The following RBM19 variants were observed in gnomAD, a reference collection of about 807,000 sequenced individuals.
The protein encoded by RBM19 is RNA binding motif protein 19.
A neutral mutation model predicts 116.8 loss-of-function variants in RBM19; 94 were observed. The ratio of observed to expected loss-of-function variants is 0.80; its 90% CI spans 0.68 to 0.95. RBM19 has a LOEUF of 0.95. Ranked by LOEUF, RBM19 falls within the 40% of genes least tolerant of loss-of-function variation. The pLI, the probability that RBM19 is intolerant of heterozygous loss-of-function variation, is 0.00. For synonymous variants in RBM19, 475 were observed against 494.1 expected (o/e 0.96, Z 0.51); for missense variants, 1,161 against 1,220.7 (o/e 0.95, Z 0.73).
Position 113,959,886 on chromosome 12 carries a change from C to A in RBM19, c.357G>T (p.Lys119Asn), listed in dbSNP as rs762025832. 46 of 1,614,050 alleles carry A rather than the reference C, an allele frequency of 2.8e-5. No individual in the cohort carries two copies. The highest frequency in any genetic ancestry group is 3.6e-5 in the Non-Finnish European group (43 of 1,180,036). The stretch of plus-strand genomic sequence containing the variant: ...TCACCTTCTCCAGTTGACCTGCCAC[C>A]TTTTTCTTCTTCTCATCCTGAAAAC... The part of the protein sequence containing the change: ...PEIKKDEKKK[K>N]VAGQLEKLKE... The change falls in exon 4 of 24, where the codon AAG becomes AAT. Residue 119 changes from lysine to asparagine, a missense_variant. Coordinates refer to ENST00000261741, the MANE Select transcript of RBM19 (RefSeq NM_016196.4).
intron 5 of RBM19, 31 bp downstream of exon 5, chr12:113,959,181 C>A (rs752262257): frequency 2.5e-6 from 4 of 1,587,694 alleles, no homozygotes; most frequent in African/African-American, 2.7e-5. Context: ...CAGGTCCGTG[C>A]GCATGGAGCA....
At chr12:113,861,130 G>T (rs375803554) in intron 21 of RBM19, among the ~76,000 whole-genome samples, 3 of 152,230 alleles carry the variant, frequency 2.0e-5, no homozygotes, top group Non-Finnish European at 2.9e-5. Context: ...CATGTCTGAC[G>T]TTAAGCCCAA....
At chr12:113,823,342 A>G (rs1874585784) in intron 23 of RBM19, 21 bp from the exon 24 acceptor site, 1 of 1,607,650 alleles carries the variant, frequency 6.2e-7, no homozygotes, top group Non-Finnish European at 8.5e-7. Context: ...CCAGATGGCA[A>G]GAGAGGAGAA....
chr12:113,924,817 C>A, intron 17 of RBM19, 60 bp from the exon 18 acceptor site: 3 of 1,395,324 alleles, frequency 2.2e-6, no homozygotes, highest in South Asian at 2.3e-5. Flanking sequence ...GGCAAGGGCA[C>A]CTGTCAAACA....
chr12:113,842,011 G>A (rs1181289035), intron 23 of RBM19, among the ~76,000 whole-genome samples: 1 of 152,208 alleles, frequency 6.6e-6, no homozygotes, highest in East Asian at 1.9e-4. Context: ...GGGGCTAATA[G>A]TGTCCATCTC....
chr12:113,920,102 C>T (rs939694968), intron 19 of RBM19, among the ~76,000 whole-genome samples: 2 of 152,334 alleles, frequency 1.3e-5, no homozygotes, highest in South Asian at 2.1e-4. Flanking sequence ...CTCAGACCCT[C>T]TGCACATGGT....
chr12:113,881,408 T>C (rs1880118324), intron 21 of RBM19, among the ~76,000 whole-genome samples: 1 of 152,064 alleles, frequency 6.6e-6, no homozygotes, highest in South Asian at 2.1e-4. Flanking sequence ...GCTGGGGAGA[T>C]GGAAGAGTGA....
At chr12:113,824,544 A>G (rs536082130) in intron 23 of RBM19, among the ~76,000 whole-genome samples, 104 of 152,020 alleles carry the variant, frequency 6.8e-4, no homozygotes, top group African/African-American at 2.3e-3. Context: ...CTCCCTTTCC[A>G]TGGCTCAAAC....
At chr12:113,964,747 G>A (rs1378183983) in intron 1 of RBM19, among the ~76,000 whole-genome samples, 1 of 151,856 alleles carries the variant, frequency 6.6e-6, no homozygotes, top group African/African-American at 2.4e-5. Context: ...TCAAAAGGAG[G>A]AAAGTACACT....
chr12:113,837,568 C>T (rs1565965426), intron 23 of RBM19, among the ~76,000 whole-genome samples: 2 of 152,240 alleles, frequency 1.3e-5, no homozygotes, highest in African/African-American at 2.4e-5. Flanking sequence ...GTGGCCCCAT[C>T]GTACCAATGA....
Position 113,966,302 on chromosome 12 carries a change from G to A in RBM19, c.-75C>T. The A allele has an allele frequency of 5.7e-6, 9 of 1,590,896 alleles. No individual in the cohort carries two copies. The highest frequency in any genetic ancestry group is 6.0e-6 in the Non-Finnish European group (7 of 1,159,156). On this transcript the variant is annotated 5_prime_UTR_variant, in exon 1 of 24. Transcript: ENST00000261741. The stretch of plus-strand genomic sequence containing the variant: ...CCACCAAGTTTCACGCTACCGCCCT[G>A]GGCGCCGCCATCTTTACCGAGCCGG...
intron 21 of RBM19, among the ~76,000 whole-genome samples, chr12:113,884,604 A>G (rs544827446): frequency 6.6e-6 from 1 of 152,336 alleles, no homozygotes; most frequent in African/African-American, 2.4e-5. Flanking sequence ...TGTAGCCATG[A>G]GCACACCTGG....
chr12:113,947,296 C>A, intron 11 of RBM19, 38 bp downstream of exon 11: 1 of 1,544,106 alleles, frequency 6.5e-7, no homozygotes, highest in Non-Finnish European at 8.8e-7. Flanking sequence ...ACCATGTGAG[C>A]CCCACAGCCT....
At position 113,957,830 on chromosome 12, in the gene RBM19, C is replaced by T. The variant is rs201576030; in HGVS notation, c.792G>A (p.Glu264=). 2.5e-6 allele frequency: 4 copies of T among 1,612,804 alleles called. No homozygotes were observed. In the East Asian group the frequency reaches 8.9e-5, roughly 36 times the overall value. The change falls in exon 6 of 24, where the codon GAG becomes GAA. Residue 264 remains glutamate (E), a synonymous_variant. Coordinates refer to ENST00000261741, the MANE Select transcript of RBM19 (RefSeq NM_016196.4). ...TCTTTTTCCCAGCTGGCATCCCTTG[C>T]TCTTGGCCTGCACCCTTGCTGTCTC... ...QERDSKGAGQ[E]QGMPAGKKRP... is the part of the protein sequence containing the mutation.
chr12:113,833,157 C>T (rs554887262), intron 23 of RBM19, among the ~76,000 whole-genome samples: 2 of 152,286 alleles, frequency 1.3e-5, no homozygotes, highest in South Asian at 2.1e-4. Context: ...CCTGTCCTTC[C>T]CAGCTTCCTG....
chr12:113,952,381 A>T, intron 8 of RBM19, 131 bp downstream of exon 8: 1 of 789,214 alleles, frequency 1.3e-6, no homozygotes, highest in East Asian at 2.7e-5. Flanking sequence ...GGCTGACCAC[A>T]TCCACACAAC....
At position 113,960,058 on chromosome 12, in the gene RBM19, CTTTCTTAA is replaced by C; in HGVS notation, c.332_339del (p.Ile111ArgfsTer2). 6 of 1,614,220 alleles carry C rather than the reference CTTTCTTAA, an allele frequency of 3.7e-6. No homozygotes were observed. The highest frequency in any genetic ancestry group is 5.1e-6 in the Non-Finnish European group (6 of 1,180,030). ...AGAGGCTAGAGTGACCCTTTACATA[CTTTCTTAA>C]TTTCTGGAGTAGTAGAGTCTTTTGG... On this transcript the variant is annotated frameshift_variant and splice_region_variant, in exon 3 of 24. Coordinates refer to ENST00000261741, the MANE Select transcript of RBM19 (RefSeq NM_016196.4). LOFTEE classifies it high-confidence loss of function.
intron 23 of RBM19, among the ~76,000 whole-genome samples, chr12:113,840,871 G>A (rs1383521659): frequency 1.3e-5 from 2 of 152,216 alleles, no homozygotes; most frequent in African/African-American, 4.8e-5. Flanking sequence ...GGGAGCCCCA[G>A]CAACCTGTTG....
chr12:113,941,856 G>A (rs1013367637), intron 14 of RBM19, among the ~76,000 whole-genome samples: 35 of 152,320 alleles, frequency 2.3e-4, no homozygotes, highest in African/African-American at 5.5e-4. Context: ...CACTCTGAGC[G>A]TTGGTATCCC....
Sources: allele counts gnomAD v4.1 joint callset (sites outside exome capture counted in the v4.1 genomes callset), GRCh38; gene constraint gnomAD v4.1.1; transcripts MANE v1.5; gene names NCBI Gene and HGNC (gene_info 2026-07-23, HGNC 2026-07-21).